The following HSD17B12 variants were observed in gnomAD, a reference collection of about 807,000 sequenced individuals.
HSD17B12 encodes very-long-chain 3-oxoacyl-CoA reductase.
HSD17B12 carries 32 observed loss-of-function variants against 39.3 expected under a neutral mutation model. The ratio of observed to expected loss-of-function variants is 0.81; its 90% CI spans 0.61 to 1.09. HSD17B12 has a LOEUF of 1.09. Among genes scored for constraint, HSD17B12 ranks in the 50% least tolerant of loss-of-function variants. HSD17B12 has a pLI of 0.00. For missense variants in HSD17B12, 342 were observed against 382.9 expected (o/e 0.89, Z 0.89); for synonymous variants, 150 against 146.7 (o/e 1.02, Z -0.16).
the HSD17B12 span, among the ~76,000 whole-genome samples, chr11:43,628,499 G>A: frequency 2.0e-5 from 3 of 152,072 alleles, no homozygotes; most frequent in Non-Finnish European, 2.9e-5. Flanking sequence ...TACTAATACA[G>A]ATTTGGTTGG....
Position 43,798,475 on chromosome 11 carries a change from G to T in HSD17B12, c.391+48G>T. On this transcript the variant is annotated intron_variant, in intron 4 of 10. Coordinates refer to ENST00000278353, the MANE Select transcript of HSD17B12 (RefSeq NM_016142.3). ...TAGGTTCTTCTTGTATTTATTATTT[G>T]ACTTTATGACTTTGGATGTTAAGTG... 2.5e-6 allele frequency: 3 copies of T among 1,186,046 alleles called. No homozygotes were observed. In the South Asian group the frequency reaches 3.9e-5, roughly 15 times the overall value. 73.5% of individuals were successfully genotyped at this position (1,186,046 alleles called of 1,614,324 possible).
the HSD17B12 span, among the ~76,000 whole-genome samples, chr11:43,587,762 A>C: frequency 6.6e-6 from 1 of 152,166 alleles, no homozygotes; most frequent in Non-Finnish European, 1.5e-5. Flanking sequence ...CATGGAGGGA[A>C]GGGAGGTTTG....
At chr11:43,839,103 T>G (rs911430387) in intron 8 of HSD17B12, among the ~76,000 whole-genome samples, 1 of 152,094 alleles carries the variant, frequency 6.6e-6, no homozygotes, top group African/African-American at 2.4e-5. Context: ...AATGATCACT[T>G]AGATGTTGAA....
chr11:43,690,392 A>T (rs1325867749), intron 1 of HSD17B12, among the ~76,000 whole-genome samples: 9,115 of 17,890 alleles, frequency 0.51, 2,503 homozygotes, highest in Admixed American at 0.63. Flanking sequence ...ATATATATAT[A>T]TATATATATA....
chr11:43,640,253 G>A, the HSD17B12 span, among the ~76,000 whole-genome samples: 2 of 152,206 alleles, frequency 1.3e-5, no homozygotes, highest in East Asian at 1.9e-4. Flanking sequence ...AAAGTTTGAA[G>A]TAGTAGATCC....
At chr11:43,684,940 A>G (rs1033634223) in intron 1 of HSD17B12, among the ~76,000 whole-genome samples, 3 of 152,360 alleles carry the variant, frequency 2.0e-5, no homozygotes, top group South Asian at 2.1e-4. Context: ...TATTTCATAT[A>G]AATGGAATCA....
rs575767920 is a variant in HSD17B12, at chr11:43,835,879, A to G, written c.537-2438A>G. On this transcript the variant is annotated intron_variant, in intron 7 of 10. Transcript: ENST00000278353. ...GGGAGGATGACTGCATGAATGTGAC[A>G]TTGGATAATTGATCTGTATTGTATT... Among the ~76,000 whole-genome samples the G allele has an allele frequency of 9.2e-5, 14 of 152,304 alleles. No homozygotes were observed. The South Asian group carries it at 2.9e-3, about 32-fold the overall frequency.
chr11:43,645,924 T>A, the HSD17B12 span: 1 of 152,024 alleles, frequency 6.6e-6, no homozygotes, highest in Non-Finnish European at 1.5e-5. Context: ...GAGATATCAG[T>A]GAACGGAGAT....
chr11:43,715,611 C>T, intron 1 of HSD17B12, among the ~76,000 whole-genome samples: 1 of 152,044 alleles, frequency 6.6e-6, no homozygotes, highest in Non-Finnish European at 1.5e-5. Context: ...CTCTGCCAGG[C>T]TTTGGTATCA....
At position 43,753,522 on chromosome 11, in the gene HSD17B12, G is replaced by T. The variant is rs200560560; in HGVS notation, c.208-524G>T. 2.0e-5 allele frequency among the ~76,000 whole-genome samples: 3 copies of T among 147,530 alleles called. No homozygotes were observed. The East Asian group carries it at 6.0e-4, about 29-fold the overall frequency. ...TCCCACCTCAGCCTCCTGAGTAGCT[G>T]GAACTACAGGCATGTGCCACCACAC... On this transcript the variant is annotated intron_variant, in intron 2 of 10. Transcript: ENST00000278353.
intron 4 of HSD17B12, among the ~76,000 whole-genome samples, chr11:43,812,371 T>G (rs928200051): frequency 6.6e-6 from 1 of 152,208 alleles, no homozygotes; most frequent in African/African-American, 2.4e-5. Flanking sequence ...TCTGCGTCCT[T>G]GCCAGCATCT....
At chr11:43,781,006 A>G (rs1351641541) in intron 3 of HSD17B12, among the ~76,000 whole-genome samples, 8 of 152,170 alleles carry the variant, frequency 5.3e-5, no homozygotes, top group Non-Finnish European at 7.4e-5. Flanking sequence ...AGTCGCACCT[A>G]TAACTCCTTC....
In HSD17B12 at chr11:43,766,846, T is replaced by C. The variant is rs919960056; in HGVS notation, c.283+12725T>C. The stretch of plus-strand genomic sequence containing the variant: ...CCAATATGAGACCATGTTGTAAAAC[T>C]GTCTAACTAAACGTTTTCTCTAAGT... On this transcript the variant is annotated intron_variant, in intron 3 of 10. Transcript: ENST00000278353. Among the ~76,000 whole-genome samples, 3 of 152,260 alleles carry C rather than the reference T, an allele frequency of 2.0e-5. No individual in the cohort carries two copies. In the South Asian group the frequency reaches 6.2e-4, roughly 31 times the overall value.
chr11:43,800,000 C>G (rs1197562409), intron 4 of HSD17B12, among the ~76,000 whole-genome samples: 1 of 152,134 alleles, frequency 6.6e-6, no homozygotes. Context: ...TGGTTTTTGC[C>G]TTTGTGTTTG....
rs1254150636 is a variant in HSD17B12 at position 43,765,439 on chromosome 11, T to G, written c.283+11318T>G. On this transcript the variant is annotated intron_variant, in intron 3 of 10. Coordinates refer to ENST00000278353, the MANE Select transcript of HSD17B12 (RefSeq NM_016142.3). ...CATAATGTGAGGTTTTTCTCTTTTCTGGTTACTTCTAAGATTTTTCTCTTT... is the reference window on the plus strand; with the variant it reads ...CATAATGTGAGGTTTTTCTCTTTTCGGGTTACTTCTAAGATTTTTCTCTTT... Among the ~76,000 whole-genome samples the G allele has an allele frequency of 2.0e-5, 3 of 152,204 alleles. No individual in the cohort carries two copies. The South Asian group carries it at 6.2e-4, about 31-fold the overall frequency.
At chr11:43,802,950 A>G (rs952133858) in intron 4 of HSD17B12, among the ~76,000 whole-genome samples, 1 of 152,226 alleles carries the variant, frequency 6.6e-6, no homozygotes, top group African/African-American at 2.4e-5. Context: ...TAAAGTGTAT[A>G]GCTGAACTTT....
intron 3 of HSD17B12, among the ~76,000 whole-genome samples, chr11:43,779,803 C>A (rs558077029): frequency 1.2e-3 from 185 of 152,270 alleles, no homozygotes; most frequent in African/African-American, 4.3e-3. Context: ...AAAATATTTT[C>A]CACATGATGC....
At chr11:43,576,660 G>A in the HSD17B12 span, 1 of 152,248 alleles carries the variant, frequency 6.6e-6, no homozygotes, top group East Asian at 1.9e-4. Context: ...AGTATGAGCT[G>A]ACGCTTACTT....
At chr11:43,719,870 C>A (rs1950160669) in intron 1 of HSD17B12, among the ~76,000 whole-genome samples, 1 of 152,092 alleles carries the variant, frequency 6.6e-6, no homozygotes, top group Non-Finnish European at 1.5e-5. Flanking sequence ...GTTTCTTTCT[C>A]TTTTAGTCCA....
Sources: gnomAD v4.1 joint callset for allele counts (sites outside exome capture counted in the v4.1 genomes callset) on GRCh38, gnomAD v4.1.1 for gene constraint, MANE v1.5 for transcripts, NCBI Gene and HGNC (gene_info 2026-07-23, HGNC 2026-07-21) for gene names.